PLA2G4C: variants seen among roughly 807,000 people sequenced by gnomAD.
PLA2G4C encodes cytosolic phospholipase A2 gamma.
PLA2G4C carries 64 observed loss-of-function variants against 73.8 expected under a neutral mutation model. That is an observed-to-expected ratio of 0.87 (90% CI 0.71 to 1.07). The LOEUF is 1.07. Ranked by LOEUF, PLA2G4C falls within the 50% of genes least tolerant of loss-of-function variation. The pLI is 0.00. For missense variants in PLA2G4C, 622 were observed against 665.4 expected, an observed-to-expected ratio of 0.93 and a Z score of 0.72; for synonymous variants, 254 against 252.1, an observed-to-expected ratio of 1.01 and a Z score of -0.07.
chr19:48,108,271 A>G (rs1333397450), intron 1 of PLA2G4C, among the ~76,000 whole-genome samples: 1 of 152,200 alleles, frequency 6.6e-6, no homozygotes, highest in Middle Eastern at 3.4e-3. Flanking sequence ...GGTTGCTGGG[A>G]CTACAGGCAT....
At chr19:48,049,216 A>C (rs572814652) in intron 16 of PLA2G4C, among the ~76,000 whole-genome samples, 44 of 152,306 alleles carry the variant, frequency 2.9e-4, no homozygotes, top group African/African-American at 1.0e-3. Context: ...TGTTATAGAC[A>C]TAGGTAAGAC....
Position 48,058,295 on chromosome 19 carries a change from G to A in PLA2G4C, c.1258-3246C>T, listed in dbSNP as rs368270301. ...GCCCGGGCAACAAGAGCGAAACTCC[G>A]TCTCAAAAAAAAAAAAAATTTGTGT... On this transcript the variant is annotated intron_variant, in intron 14 of 16. Coordinates refer to ENST00000599921, the MANE Select transcript of PLA2G4C (RefSeq NM_003706.3). 1.2e-3 allele frequency among the ~76,000 whole-genome samples: 175 copies of A among 150,440 alleles called. 1 individual carries two copies. The highest frequency in any genetic ancestry group is 3.8e-3 in the African/African-American group (157 of 40,920).
chr19:48,071,652 C>T (rs972767418), intron 12 of PLA2G4C, among the ~76,000 whole-genome samples: 2 of 151,934 alleles, frequency 1.3e-5, no homozygotes, highest in South Asian at 2.1e-4. Context: ...ACTACGTTGC[C>T]CAGGCTTGCT....
intron 10 of PLA2G4C, among the ~76,000 whole-genome samples, chr19:48,080,968 C>T (rs2030516978): frequency 7.4e-6 from 1 of 134,290 alleles, no homozygotes; most frequent in Non-Finnish European, 1.5e-5. Context: ...ACTATCCTGG[C>T]TAACACCGGT....
intron 11 of PLA2G4C, among the ~76,000 whole-genome samples, chr19:48,075,199 T>C (rs2030063571): frequency 7.2e-6 from 1 of 138,776 alleles, no homozygotes; most frequent in South Asian, 2.3e-4. Context: ...TATTTATTTA[T>C]TTGAGACAGA....
chr19:48,095,594 G>A lies in PLA2G4C; in HGVS notation c.579C>T (p.Phe193=), dbSNP rs566570586. 24 of 1,614,040 alleles carry A rather than the reference G, an allele frequency of 1.5e-5. No homozygotes were observed. The East Asian group carries it at 2.7e-4, about 18-fold the overall frequency. The change falls in exon 7 of 17, where the codon TTC becomes TTT. Residue 193 remains phenylalanine, a synonymous_variant. Transcript: ENST00000599921. The stretch of plus-strand genomic sequence containing the variant: ...AGCCAGCGTGGTGAGGGGTGAACTC[G>A]AACCAGGTCTCTGCAGAGGAAATAC... ...WQEARAPETW[F]EFTPHHAGFS...
rs140617829 is a variant in PLA2G4C at position 48,070,700 on chromosome 19, A to G, written c.1007-2814T>C. On this transcript the variant is annotated intron_variant, in intron 12 of 16. Transcript: ENST00000599921. Reference sequence around the variant, plus strand: ...TAAGTGGCAGCTGAATGATGAGAATATATGGACACAGGGAGGGGAACAACA... The same window carrying G: ...TAAGTGGCAGCTGAATGATGAGAATGTATGGACACAGGGAGGGGAACAACA... 1.9e-3 allele frequency among the ~76,000 whole-genome samples: 294 copies of G among 152,168 alleles called. 2 individuals are homozygous for G. The highest frequency in any genetic ancestry group is 6.6e-3 in the African/African-American group (276 of 41,544).
chr19:48,106,771 C>A (rs946628223), intron 1 of PLA2G4C: 8 of 561,768 alleles, frequency 1.4e-5, no homozygotes, highest in East Asian at 5.9e-5. Flanking sequence ...ATATTTCAAG[C>A]GCGTCTCTCT....
rs11564641 is a variant in PLA2G4C at position 48,055,959 on chromosome 19, T to C, written c.1258-910A>G. Among the ~76,000 whole-genome samples the C allele has an allele frequency of 2.6e-5, 4 of 152,156 alleles. No individual in the cohort carries two copies. The East Asian group carries it at 7.7e-4, about 29-fold the overall frequency. The stretch of plus-strand genomic sequence containing the variant: ...TTTTCAATTGTCTACTTGCTGCACT[T>C]GAAGAAAGTAAAAAGAAGTAGGAGA... On this transcript the variant is annotated intron_variant, in intron 14 of 16. Coordinates refer to ENST00000599921, the MANE Select transcript of PLA2G4C (RefSeq NM_003706.3).
At chr19:48,097,888 G>C (rs2031682891) in intron 6 of PLA2G4C, 2 of 377,826 alleles carry the variant, frequency 5.3e-6, no homozygotes, top group Middle Eastern at 6.8e-4. Context: ...CAAACCACTG[G>C]GATTACAAGC....
rs1327156287 is a variant in PLA2G4C, at chr19:48,074,931, T to C, written c.899-57A>G. 6 of 1,104,186 alleles carry C rather than the reference T, an allele frequency of 5.4e-6. No homozygotes were observed. The East Asian group carries it at 1.2e-4, about 22-fold the overall frequency. The allele number at this position is 1,104,186 out of a possible 1,614,324, so 68.4% of individuals were successfully genotyped here. A position where few individuals can be genotyped will look rare whatever the true frequency, so the allele number is the denominator to read the frequency against. On this transcript the variant is annotated intron_variant, in intron 11 of 16. Coordinates refer to ENST00000599921, the MANE Select transcript of PLA2G4C (RefSeq NM_003706.3). Reference sequence around the variant, plus strand: ...CTGTCCAAGTACCCTACCAAGAACATCACAGACCCTGCTCTGCCTCATCTT... The same window carrying C: ...CTGTCCAAGTACCCTACCAAGAACACCACAGACCCTGCTCTGCCTCATCTT...
chr19:48,059,069 A>G (rs12462260), intron 14 of PLA2G4C, among the ~76,000 whole-genome samples: 2 of 151,944 alleles, frequency 1.3e-5, no homozygotes, highest in Admixed American at 1.3e-4. Flanking sequence ...TCAGGAGTTC[A>G]AGACCAGCCT....
In PLA2G4C at chr19:48,074,575, G is replaced by A. The variant is rs2122548355; in HGVS notation, c.1006+192C>T. 19 of 593,004 alleles carry A rather than the reference G, an allele frequency of 3.2e-5. 1 individual carries two copies. In the South Asian group the frequency reaches 3.5e-4, roughly 11 times the overall value. The allele number at this position is 593,004 out of a possible 1,614,324, so 36.7% of individuals were successfully genotyped here. A position where few individuals can be genotyped will look rare whatever the true frequency, so the allele number is the denominator to read the frequency against. ...GAATTCCACACTGTCTCCTACAATG[G>A]TTGAACTAATTTACATTGGGGGATT... On this transcript the variant is annotated intron_variant, in intron 12 of 16. Coordinates refer to ENST00000599921, the MANE Select transcript of PLA2G4C (RefSeq NM_003706.3).
At chr19:48,056,945 C>T (rs1967966301) in intron 14 of PLA2G4C, among the ~76,000 whole-genome samples, 1 of 151,482 alleles carries the variant, frequency 6.6e-6, no homozygotes, top group African/African-American at 2.4e-5. Context: ...AACACATGGA[C>T]ACACAGAGGA....
chr19:48,102,155 C>A (rs1432011384), intron 4 of PLA2G4C, among the ~76,000 whole-genome samples: 1 of 151,984 alleles, frequency 6.6e-6, no homozygotes, highest in African/African-American at 2.4e-5. Context: ...GAAAATGGAT[C>A]ATTTCACTGT....
In PLA2G4C at chr19:48,072,954, T is replaced by C. The variant is rs1288467809; in HGVS notation, c.1006+1813A>G. 6.6e-6 allele frequency: 1 copy of C among 152,224 alleles called. No individual in the cohort carries two copies. Among genetic ancestry groups the C allele is most frequent in the Non-Finnish European group, 1.5e-5 (1 of 68,074 alleles). The allele number at this position is 152,224 out of a possible 1,614,324, so 9.4% of individuals were successfully genotyped here. A position where few individuals can be genotyped will look rare whatever the true frequency, so the allele number is the denominator to read the frequency against. ...GAAGGCAGTGGCTTCAGCGACCAACTGTCTTCATTGTCCCTCATCCACGCT... is the reference window on the plus strand; with the variant it reads ...GAAGGCAGTGGCTTCAGCGACCAACCGTCTTCATTGTCCCTCATCCACGCT... On this transcript the variant is annotated intron_variant, in intron 12 of 16. Coordinates refer to ENST00000599921, the MANE Select transcript of PLA2G4C (RefSeq NM_003706.3). This position sits in a 1 kb window ranked among gnomAD's most constrained non-coding sequence, Gnocchi z 4.4.
At position 48,055,098 on chromosome 19, in the gene PLA2G4C, C is replaced by T. The variant is rs80196567; in HGVS notation, c.1258-49G>A. 372 of 222,206 alleles carry T rather than the reference C, an allele frequency of 1.7e-3. 2 individuals carry two copies. The highest frequency in any genetic ancestry group is 4.7e-4 in the Non-Finnish European group (73 of 154,526). The allele number at this position is 222,206 out of a possible 1,614,324, so 13.8% of individuals were successfully genotyped here. A position where few individuals can be genotyped will look rare whatever the true frequency, so the allele number is the denominator to read the frequency against. ...GGTTGCAAGACCTCTCCAGAAGACC[C>T]CTCCAGAAGACCCCTGGGGCCTGGA... On this transcript the variant is annotated intron_variant, in intron 14 of 16. Coordinates refer to ENST00000599921, the MANE Select transcript of PLA2G4C (RefSeq NM_003706.3).
chr19:48,081,895 A>G (rs1038071424), intron 10 of PLA2G4C, among the ~76,000 whole-genome samples: 3 of 151,102 alleles, frequency 2.0e-5, no homozygotes, highest in African/African-American at 7.3e-5. Flanking sequence ...AGCCTGACCA[A>G]CATGGCAAAA....
intron 6 of PLA2G4C, among the ~76,000 whole-genome samples, chr19:48,097,551 C>T (rs540620205): frequency 2.0e-5 from 3 of 151,592 alleles, no homozygotes; most frequent in Admixed American, 6.6e-5. Context: ...TGCGCCCGGC[C>T]CCTTTTTGTC....
Sources: allele counts gnomAD v4.1 joint callset (sites outside exome capture counted in the v4.1 genomes callset), GRCh38; gene constraint gnomAD v4.1.1; non-coding constraint Gnocchi (gnomAD v3.1); transcripts MANE v1.5; gene names NCBI Gene and HGNC (gene_info 2026-07-23, HGNC 2026-07-21).